ZNF91: variants seen among roughly 807,000 people sequenced by gnomAD.
The protein encoded by ZNF91 is zinc finger protein 91 (HPF7, HTF10).
ZNF91 carries 7 observed loss-of-function variants against 12.6 expected under a neutral mutation model. The observed-to-expected ratio is 0.55, with a 90% CI of 0.31 to 1.04. The LOEUF (loss-of-function observed/expected upper bound fraction) is 1.04, where lower values mean the gene tolerates loss of function less well. Ranked by LOEUF, ZNF91 falls within the 50% of genes least tolerant of loss-of-function variation. ZNF91 has a pLI of 0.05. For missense variants in ZNF91, 1,217 were observed against 1,385.4 expected, an observed-to-expected ratio of 0.88 and a Z score of 1.93; for synonymous variants, 453 against 462.6, an observed-to-expected ratio of 0.98 and a Z score of 0.27.
chr19:23,381,683 C>T (rs1232960073), intron 1 of ZNF91, among the ~76,000 whole-genome samples: 1 of 152,096 alleles, frequency 6.6e-6, no homozygotes, highest in Non-Finnish European at 1.5e-5. Flanking sequence ...TGGTCTATAA[C>T]TCCCAACCTC....
chr19:23,371,589 C>G (rs1429286686), intron 3 of ZNF91, among the ~76,000 whole-genome samples: 1 of 151,650 alleles, frequency 6.6e-6, no homozygotes, highest in African/African-American at 2.4e-5. Flanking sequence ...TATTAAGGAA[C>G]TTACACTAAA....
At chr19:23,372,883 T>A (rs1969342685) in intron 3 of ZNF91, among the ~76,000 whole-genome samples, 1 of 152,192 alleles carries the variant, frequency 6.6e-6, no homozygotes, top group Non-Finnish European at 1.5e-5. Context: ...CATCCTCATA[T>A]AAAGCCCACC....
chr19:23,339,036 C>T (rs1361681848), exon 4 of ZNF91: 3 of 143,486 alleles, frequency 2.1e-5, no homozygotes, highest in Admixed American at 7.2e-5. Context: ...TCCAGCCTGG[C>T]GATGGAGCAA....
At position 23,359,351 on chromosome 19, in the gene ZNF91, T is replaced by C. The variant is rs1055260306; in HGVS notation, c.*52A>G. 4.7e-6 allele frequency: 3 copies of C among 635,528 alleles called. No homozygotes were observed. The highest frequency in any genetic ancestry group is 8.1e-6 in the Non-Finnish European group (3 of 372,578). 39.4% of individuals were successfully genotyped at this position (635,528 alleles called of 1,614,324 possible). On this transcript the variant is annotated 3_prime_UTR_variant, in exon 4 of 4. Transcript: ENST00000300619. Reference sequence around the variant, plus strand: ...CATTCTCCTGCCTCAGCCTCTCGCATAGCTGGGACTACAGGCGCCCGCCAC... The same window carrying C: ...CATTCTCCTGCCTCAGCCTCTCGCACAGCTGGGACTACAGGCGCCCGCCAC...
chr19:23,355,146 C>G (rs948924158), downstream of ZNF91, among the ~76,000 whole-genome samples: 1 of 152,054 alleles, frequency 6.6e-6, no homozygotes, highest in Admixed American at 6.6e-5. Flanking sequence ...AGAGCCTGCA[C>G]AGCCAAAGCA....
chr19:23,384,978 G>A, intron 1 of ZNF91: 2 of 1,059,022 alleles, frequency 1.9e-6, no homozygotes, highest in Non-Finnish European at 3.0e-6. Flanking sequence ...CCGTCATGGA[G>A]GAAAAAGGTC....
chr19:23,337,885 T>A (rs1599698963), downstream of ZNF91: 1 of 152,078 alleles, frequency 6.6e-6, no homozygotes, highest in African/African-American at 2.4e-5. Context: ...GATTCAATAA[T>A]AGACTGGAAG....
At chr19:23,325,815 T>C (rs1245104737) in intron 1 of ZNF91, 2 of 152,348 alleles carry the variant, frequency 1.3e-5, no homozygotes, top group African/African-American at 4.8e-5. Context: ...TTCTCTCTAC[T>C]GCTGTTTATC....
intron 1 of ZNF91, among the ~76,000 whole-genome samples, chr19:23,385,940 A>G (rs961478777): frequency 6.6e-6 from 1 of 152,210 alleles, no homozygotes; most frequent in African/African-American, 2.4e-5. Context: ...AAGTAAAAAT[A>G]TATTTTTACA....
intron 1 of ZNF91, among the ~76,000 whole-genome samples, chr19:23,322,608 AAG>A (rs1353586200): frequency 6.6e-6 from 1 of 152,066 alleles, no homozygotes; most frequent in Non-Finnish European, 1.5e-5. Flanking sequence ...AAGCCATGAA[AAG>A]AGTCATAATT....
downstream of ZNF91, among the ~76,000 whole-genome samples, chr19:23,333,837 G>C (rs1486674886): frequency 6.6e-6 from 1 of 152,162 alleles, no homozygotes; most frequent in Admixed American, 6.5e-5. Context: ...ATAGTGGAAA[G>C]CAATGTGGAT....
At chr19:23,322,652 C>G (rs978424128) in intron 1 of ZNF91, among the ~76,000 whole-genome samples, 2 of 147,174 alleles carry the variant, frequency 1.4e-5, no homozygotes, top group African/African-American at 4.9e-5. Context: ...TTTTCTCCTC[C>G]TCCTCCTTTT....
chr19:23,344,315 C>T (rs35367868), intron 3 of ZNF91, among the ~76,000 whole-genome samples: 28,626 of 151,952 alleles, frequency 0.19, 2,917 homozygotes, highest in Non-Finnish European at 0.21. Flanking sequence ...AGGATGGTCT[C>T]GATCTCCTGA....
downstream of ZNF91, among the ~76,000 whole-genome samples, chr19:23,334,486 T>G (rs1389938840): frequency 6.6e-6 from 1 of 152,232 alleles, no homozygotes; most frequent in Non-Finnish European, 1.5e-5. Flanking sequence ...AGAATACATT[T>G]TCCCTTTTTA....
chr19:23,337,042 T>C (rs999538215), downstream of ZNF91, among the ~76,000 whole-genome samples: 6 of 152,196 alleles, frequency 3.9e-5, no homozygotes, highest in Non-Finnish European at 5.9e-5. Context: ...CATGCATAGA[T>C]TGCATAGTGG....
downstream of ZNF91, among the ~76,000 whole-genome samples, chr19:23,336,040 A>G (rs1280854946): frequency 6.6e-6 from 1 of 152,206 alleles, no homozygotes; most frequent in South Asian, 2.1e-4. Flanking sequence ...TAACACTGTT[A>G]CCGGAAGTAC....
At chr19:23,364,319 T>C (rs1291639411) in intron 3 of ZNF91, among the ~76,000 whole-genome samples, 1 of 152,184 alleles carries the variant, frequency 6.6e-6, no homozygotes, top group Non-Finnish European at 1.5e-5. Context: ...TGGTGGCACA[T>C]GCCTGTAATC....
intron 1 of ZNF91, among the ~76,000 whole-genome samples, chr19:23,330,203 C>A (rs535582424): frequency 6.6e-6 from 1 of 151,914 alleles, no homozygotes; most frequent in Non-Finnish European, 1.5e-5. Flanking sequence ...TTGGGGCGGG[C>A]GCCTGTAATC....
Position 23,361,720 on chromosome 19 carries a change from T to G in ZNF91, c.1259A>C (p.Asn420Thr). 1 of 1,607,024 alleles carries G rather than the reference T, an allele frequency of 6.2e-7. No individual in the cohort carries two copies. Among genetic ancestry groups the G allele is most frequent in the Non-Finnish European group, 8.5e-7 (1 of 1,176,610 alleles). ...ECGKAFNRSS[N>T]LTIHKFIHTG... ...ATGAATAAACTTATGTATAGTAAGA[T>G]TTGAAGATCGATTAAAAGCTTTGCC... The change falls in exon 4 of 4, where the codon AAT becomes ACT. Residue 420 changes from asparagine to threonine, a missense_variant. Physicochemically the swap from Asn to Thr is moderately conservative, Grantham distance 65. Coordinates refer to ENST00000300619, the MANE Select transcript of ZNF91 (RefSeq NM_003430.4).
Sources: gnomAD v4.1 joint callset for allele counts (sites outside exome capture counted in the v4.1 genomes callset) on GRCh38, gnomAD v4.1.1 for gene constraint, MANE v1.5 for transcripts, NCBI Gene and HGNC (gene_info 2026-07-23, HGNC 2026-07-21) for gene names.